Variants in CHD9 observed in about 807,000 individuals in gnomAD.
CHD9 encodes chromodomain helicase DNA binding protein 9.
In CHD9, 77 loss-of-function variants were observed where a neutral mutation model predicts 316.1. The ratio of observed to expected loss-of-function variants is 0.24; its 90% CI spans 0.20 to 0.29. The LOEUF is 0.29. CHD9 is among the 10% of genes least tolerant of loss of function. The probability of loss-of-function intolerance (pLI) is 1.00; values close to 1 mark genes in which losing one functional copy is unlikely to be tolerated. For synonymous variants in CHD9, 1,129 were observed against 1,158.3 expected, an observed-to-expected ratio of 0.97 and a Z score of 0.51; for missense variants, 2,763 against 3,438.1, an observed-to-expected ratio of 0.80 and a Z score of 4.91.
intron 2 of CHD9, among the ~76,000 whole-genome samples, chr16:53,205,763 A>G (rs994461684): frequency 2.0e-5 from 3 of 152,258 alleles, no homozygotes; most frequent in Non-Finnish European, 4.4e-5. Context: ...GTGTCAGTGA[A>G]TTATAAGGGT....
At chr16:53,176,445 A>G (rs1023555990) in intron 2 of CHD9, among the ~76,000 whole-genome samples, 8 of 152,206 alleles carry the variant, frequency 5.3e-5, no homozygotes, top group Non-Finnish European at 1.2e-4. Flanking sequence ...TGCAACTTGA[A>G]TTATTTGCCA....
Position 53,069,297 on chromosome 16 carries a change from C to T in CHD9, c.-165+14220C>T, listed in dbSNP as rs1218079033. On this transcript the variant is annotated intron_variant, in intron 1 of 38. Coordinates refer to ENST00000447540, the MANE Select transcript of CHD9 (RefSeq NM_001308319.2). ...GGGACTACAGGCATGAGCCACCGCG[C>T]CCAGCCTGCATTTTCTTTAGTTCAA... is the stretch of plus-strand genomic sequence containing the variant. Among the ~76,000 whole-genome samples, 4 of 152,216 alleles carry T rather than the reference C, an allele frequency of 2.6e-5. No individual in the cohort carries two copies. The East Asian group carries it at 7.7e-4, about 29-fold the overall frequency.
intron 2 of CHD9, among the ~76,000 whole-genome samples, chr16:53,176,832 GTTA>G: frequency 6.6e-6 from 1 of 152,190 alleles, no homozygotes; most frequent in Non-Finnish European, 1.5e-5. Flanking sequence ...TCATTCAGCA[GTTA>G]TTTAGTAAGC....
At chr16:53,285,488 C>T (rs931877701) in intron 24 of CHD9, 108 bp from the exon 25 acceptor site, 2 of 323,738 alleles carry the variant, frequency 6.2e-6, no homozygotes, top group Non-Finnish European at 5.4e-6. Flanking sequence ...TAATGAAATC[C>T]TAAGCTCTCT....
At chr16:53,064,400 C>T (rs924951641) in intron 1 of CHD9, among the ~76,000 whole-genome samples, 4 of 152,006 alleles carry the variant, frequency 2.6e-5, no homozygotes, top group East Asian at 1.9e-4. Flanking sequence ...TTGCAGGTTT[C>T]CCACAGCTCA....
chr16:53,194,301 G>A (rs766495644), intron 2 of CHD9, among the ~76,000 whole-genome samples: 2 of 152,100 alleles, frequency 1.3e-5, no homozygotes, highest in Non-Finnish European at 2.9e-5. Context: ...CCCGAGGCTG[G>A]GTGCAGTGGC....
intron 1 of CHD9, among the ~76,000 whole-genome samples, chr16:53,087,198 C>T (rs2035534289): frequency 6.6e-6 from 1 of 152,110 alleles, no homozygotes; most frequent in African/African-American, 2.4e-5. Context: ...GGTGGTGAGC[C>T]ATTAAGGGCC....
At chr16:53,197,022 A>G (rs944883884) in intron 2 of CHD9, among the ~76,000 whole-genome samples, 13 of 152,206 alleles carry the variant, frequency 8.5e-5, no homozygotes, top group African/African-American at 3.1e-4. Flanking sequence ...TTACTAGTCC[A>G]TGCCATTCCA....
chr16:53,084,710 T>C (rs2035317117), intron 1 of CHD9, among the ~76,000 whole-genome samples: 1 of 152,172 alleles, frequency 6.6e-6, no homozygotes, highest in Non-Finnish European at 1.5e-5. Flanking sequence ...GCCACTGCAC[T>C]CCAGCCTGGC....
At chr16:53,288,934 A>G (rs2054109181) in intron 27 of CHD9, among the ~76,000 whole-genome samples, 1 of 151,538 alleles carries the variant, frequency 6.6e-6, no homozygotes, top group Non-Finnish European at 1.5e-5. Context: ...GTGCCTGGTA[A>G]AAACAAAAAG....
rs572657549 is a variant in CHD9, at chr16:53,144,944, A to T, written c.-164-10982A>T. On this transcript the variant is annotated intron_variant, in intron 1 of 38. Transcript: ENST00000447540. ...GAAGTCAAGGCTGCAGTGAGCTATGATCATGCCACCACTGTATTCCAGCCT... is the reference window on the plus strand; with the variant it reads ...GAAGTCAAGGCTGCAGTGAGCTATGTTCATGCCACCACTGTATTCCAGCCT... Among the ~76,000 whole-genome samples, 5 of 150,268 alleles carry T rather than the reference A, an allele frequency of 3.3e-5. No individual in the cohort carries two copies. In the South Asian group the frequency reaches 1.1e-3, roughly 32 times the overall value.
chr16:53,071,632 AG>A (rs1157035557), intron 1 of CHD9, among the ~76,000 whole-genome samples: 1 of 152,206 alleles, frequency 6.6e-6, no homozygotes, highest in Non-Finnish European at 1.5e-5. Flanking sequence ...GCCTCAGGCT[AG>A]AAGACCCCAG....
intron 24 of CHD9, 130 bp from the exon 25 acceptor site, chr16:53,285,466 A>G (rs2053790221): frequency 2.9e-6 from 1 of 345,770 alleles, no homozygotes; most frequent in Non-Finnish European, 4.7e-6. Flanking sequence ...GCAATTATGA[A>G]GGATTAAAAA....
At chr16:53,290,991 G>C (rs2054285679) in intron 27 of CHD9, among the ~76,000 whole-genome samples, 1 of 152,140 alleles carries the variant, frequency 6.6e-6, no homozygotes, top group South Asian at 2.1e-4. Context: ...TTTTTCAGAT[G>C]TTATGAATAC....
At position 53,116,404 on chromosome 16, in the gene CHD9, C is replaced by T. The variant is rs376536725; in HGVS notation, c.-164-39522C>T. ...TACAAATCACTCAGTATGTTCTTGC[C>T]AAATAGTACACACTCTGCAAGAGAA... On this transcript the variant is annotated intron_variant, in intron 1 of 38. Transcript: ENST00000447540. 6.6e-5 allele frequency among the ~76,000 whole-genome samples: 10 copies of T among 152,150 alleles called. No homozygotes were observed. The East Asian group carries it at 1.3e-3, about 20-fold the overall frequency.
chr16:53,146,946 G>T (rs1370558270), intron 1 of CHD9, among the ~76,000 whole-genome samples: 1 of 151,684 alleles, frequency 6.6e-6, no homozygotes, highest in Non-Finnish European at 1.5e-5. Flanking sequence ...TTTAAACCCA[G>T]TTTCTGCCTT....
chr16:53,227,326 A>G (rs2047742513), intron 5 of CHD9, 70 bp from the exon 6 acceptor site: 4 of 916,602 alleles, frequency 4.4e-6, no homozygotes, highest in East Asian at 2.8e-5. Flanking sequence ...ATGTTCATCA[A>G]CATACAAAGT....
chr16:53,319,133 T>G (rs1291005443), intron 37 of CHD9, among the ~76,000 whole-genome samples: 1 of 152,226 alleles, frequency 6.6e-6, no homozygotes, highest in Non-Finnish European at 1.5e-5. Flanking sequence ...TAGAAACTTG[T>G]GACACTGTTT....
At chr16:53,065,271 A>G (rs1014661704) in intron 1 of CHD9, among the ~76,000 whole-genome samples, 1 of 152,100 alleles carries the variant, frequency 6.6e-6, no homozygotes, top group Non-Finnish European at 1.5e-5. Flanking sequence ...CTTGTGGTAG[A>G]AATGTCTGAT....
Sources: gnomAD v4.1 joint callset for allele counts (sites outside exome capture counted in the v4.1 genomes callset) on GRCh38, gnomAD v4.1.1 for gene constraint, MANE v1.5 for transcripts, NCBI Gene and HGNC (gene_info 2026-07-23, HGNC 2026-07-21) for gene names.